The following ASCC1 variants were observed in gnomAD, a reference collection of about 807,000 sequenced individuals.
ASCC1 encodes the protein activating signal cointegrator 1 complex subunit 1.
ASCC1 carries 35 observed loss-of-function variants against 46.6 expected under a neutral mutation model. That is an observed-to-expected ratio of 0.75 (90% CI 0.57 to 0.99). The LOEUF (loss-of-function observed/expected upper bound fraction) is 0.99. Among genes scored for constraint, ASCC1 ranks in the 50% least tolerant of loss-of-function variants. The pLI is 0.00. For missense variants in ASCC1, 376 were observed against 428.7 expected (o/e 0.88, Z 1.09); for synonymous variants, 143 against 146.6 (o/e 0.98, Z 0.18).
chr10:72,175,316 C>T (rs2132930581), intron 5 of ASCC1, among the ~76,000 whole-genome samples: 1 of 152,298 alleles, frequency 6.6e-6, no homozygotes, highest in South Asian at 2.1e-4. Context: ...GGAATAAATA[C>T]AAGCTTCCCC....
rs546872951 is a variant in ASCC1 at position 72,118,364 on chromosome 10, C to A, written c.957+9718G>T. On this transcript the variant is annotated intron_variant, in intron 9 of 9. Transcript: ENST00000672957. ...CCCGGGTGACAGAGCGAGACTCCAT[C>A]TCAAAAAAAAAAAAAAGAAAAGAAA... Among the ~76,000 whole-genome samples, 128 of 139,420 alleles carry A rather than the reference C, an allele frequency of 9.2e-4. 2 individuals carry two copies. The highest frequency in any genetic ancestry group is 3.3e-3 in the African/African-American group (123 of 37,684). 91.5% of individuals were successfully genotyped at this position (139,420 alleles called of 152,430 possible).
At chr10:72,177,289 A>G (rs1194256206) in intron 5 of ASCC1, among the ~76,000 whole-genome samples, 1 of 152,144 alleles carries the variant, frequency 6.6e-6, no homozygotes, top group Non-Finnish European at 1.5e-5. Flanking sequence ...TTTCCTTACA[A>G]CCAAAGACAA....
intron 3 of ASCC1, among the ~76,000 whole-genome samples, chr10:72,205,241 G>A (rs200174396): frequency 1.2e-3 from 176 of 152,206 alleles, no homozygotes; most frequent in East Asian, 0.011. Flanking sequence ...AGGCAGAGGC[G>A]GGCAAATCAC....
At chr10:72,173,191 C>T (rs771397040) in intron 5 of ASCC1, among the ~76,000 whole-genome samples, 5 of 151,518 alleles carry the variant, frequency 3.3e-5, no homozygotes, top group Non-Finnish European at 7.4e-5. Flanking sequence ...GGGAAAATGG[C>T]CTAATGGTTT....
At chr10:72,203,339 C>A in intron 4 of ASCC1, 88 bp downstream of exon 4, 1 of 944,222 alleles carries the variant, frequency 1.1e-6, no homozygotes, top group Non-Finnish European at 1.7e-6. Context: ...CCACAGAAAA[C>A]ATAGTTACTA....
intron 9 of ASCC1, among the ~76,000 whole-genome samples, chr10:72,123,441 T>G (rs1428505388): frequency 6.6e-6 from 1 of 150,972 alleles, no homozygotes; most frequent in East Asian, 1.9e-4. Flanking sequence ...GGACCATGGG[T>G]GATGATGTGT....
chr10:72,135,194 G>A (rs115943920), intron 7 of ASCC1, among the ~76,000 whole-genome samples: 3,258 of 152,324 alleles, frequency 0.021, 116 homozygotes, highest in African/African-American at 0.075. Flanking sequence ...AAAGGATGGT[G>A]TGTTCACAGG....
chr10:72,206,968 T>C (rs1857307302), intron 3 of ASCC1, among the ~76,000 whole-genome samples: 1 of 152,108 alleles, frequency 6.6e-6, no homozygotes, highest in Non-Finnish European at 1.5e-5. Context: ...TGGCTCTGGG[T>C]CTCTTCCCCA....
chr10:72,111,454 C>A (rs979418168), intron 9 of ASCC1, among the ~76,000 whole-genome samples: 1 of 152,042 alleles, frequency 6.6e-6, no homozygotes, highest in Non-Finnish European at 1.5e-5. Flanking sequence ...CCACTACACT[C>A]CAGCCTTGGG....
chr10:72,210,321 G>T (rs922398781), intron 3 of ASCC1, among the ~76,000 whole-genome samples: 1 of 151,862 alleles, frequency 6.6e-6, no homozygotes, highest in Non-Finnish European at 1.5e-5. Flanking sequence ...CACCACACCC[G>T]GCTAATTTTT....
chr10:72,130,824 G>T (rs1445698403), intron 8 of ASCC1, among the ~76,000 whole-genome samples: 1 of 152,090 alleles, frequency 6.6e-6, no homozygotes, highest in African/African-American at 2.4e-5. Context: ...CTACCATATT[G>T]GACATCGCAG....
chr10:72,107,314 A>AG (rs1436086778), intron 9 of ASCC1, among the ~76,000 whole-genome samples: 1 of 144,364 alleles, frequency 6.9e-6, no homozygotes, highest in Non-Finnish European at 1.5e-5. Context: ...CCCCCCCCCA[A>AG]AAAAATAAAT....
At chr10:72,165,026 C>T (rs753931546) in intron 5 of ASCC1, among the ~76,000 whole-genome samples, 3 of 152,080 alleles carry the variant, frequency 2.0e-5, no homozygotes, top group African/African-American at 4.8e-5. Context: ...ATACCCATAT[C>T]GGTCCATGGG....
intron 2 of ASCC1, among the ~76,000 whole-genome samples, chr10:72,211,087 T>C (rs1858026108): frequency 6.6e-6 from 1 of 152,208 alleles, no homozygotes; most frequent in Non-Finnish European, 1.5e-5. Flanking sequence ...AGCATATGCA[T>C]ACGGTAGTTC....
rs1451580362 is a variant in ASCC1, at chr10:72,097,267, A to C, written c.*67T>G. On this transcript the variant is annotated 3_prime_UTR_variant, in exon 10 of 10. Transcript: ENST00000672957. ...TGTCCACATCCCTGCTTGGCAATTA[A>C]AACGAAGACACTTTTCTTCAGCACC... The C allele has an allele frequency of 3.5e-6, 4 of 1,142,968 alleles. No homozygotes were observed. The highest frequency in any genetic ancestry group is 5.3e-6 in the Non-Finnish European group (4 of 755,276). The allele number at this position is 1,142,968 out of a possible 1,614,324, so 70.8% of individuals were successfully genotyped here.
At chr10:72,189,843 T>A in intron 5 of ASCC1, 2 of 461,922 alleles carry the variant, frequency 4.3e-6, no homozygotes, top group South Asian at 2.5e-5. Flanking sequence ...ACATGAACCA[T>A]TGTTCTATTT....
At chr10:72,117,035 CG>C (rs1843569292) in intron 9 of ASCC1, among the ~76,000 whole-genome samples, 1 of 151,972 alleles carries the variant, frequency 6.6e-6, no homozygotes, top group Non-Finnish European at 1.5e-5. Flanking sequence ...CAGGTTGAAG[CG>C]ATTCTCCTGC....
chr10:72,188,121 CT>C (rs1169395541), intron 5 of ASCC1, among the ~76,000 whole-genome samples: 1,640 of 124,440 alleles, frequency 0.013, 9 homozygotes, highest in African/African-American at 0.029. Flanking sequence ...AATACTTCTT[CT>C]TTTTTTTTTT....
intron 3 of ASCC1, chr10:72,204,565 G>A: frequency 6.5e-7 from 1 of 1,537,270 alleles, no homozygotes. Context: ...CCATCACAGG[G>A]CTATCAAGTT....
Sources: gnomAD v4.1 joint callset for allele counts (sites outside exome capture counted in the v4.1 genomes callset) on GRCh38, gnomAD v4.1.1 for gene constraint, MANE v1.5 for transcripts, NCBI Gene and HGNC (gene_info 2026-07-23, HGNC 2026-07-21) for gene names.